Variants in MDGA2 observed in about 807,000 individuals in gnomAD.
MDGA2 encodes the protein MAM domain containing glycosylphosphatidylinositol anchor 2.
Under a neutral mutation model 117.8 loss-of-function variants are expected in MDGA2, and 40 were observed. The observed-to-expected ratio is 0.34, with a 90% CI of 0.26 to 0.44. The LOEUF is 0.44. Among genes scored for constraint, MDGA2 ranks in the 20% least tolerant of loss-of-function variants. MDGA2 has a pLI of 1.00. For missense variants in MDGA2, 1,123 were observed against 1,250.6 expected (o/e 0.90, Z 1.54); for synonymous variants, 452 against 439.0 (o/e 1.03, Z -0.37).
At chr14:47,549,175 G>T (rs1247419428) in intron 1 of MDGA2, among the ~76,000 whole-genome samples, 1 of 152,146 alleles carries the variant, frequency 6.6e-6, no homozygotes, top group Non-Finnish European at 1.5e-5. Context: ...CTGCTGGTTG[G>T]TAAGGGAGAG....
At chr14:47,040,661 A>T (rs1304337634) in intron 7 of MDGA2, among the ~76,000 whole-genome samples, 2 of 152,102 alleles carry the variant, frequency 1.3e-5, no homozygotes, top group Non-Finnish European at 2.9e-5. Flanking sequence ...GCTGTCTTCT[A>T]GCACCCTCTG....
At chr14:46,955,948 G>A (rs971955342) in intron 9 of MDGA2, among the ~76,000 whole-genome samples, 1 of 151,876 alleles carries the variant, frequency 6.6e-6, no homozygotes, top group Non-Finnish European at 1.5e-5. Context: ...TCAAAGTTTC[G>A]AGTCATGAGA....
intron 3 of MDGA2, among the ~76,000 whole-genome samples, chr14:47,214,950 T>G (rs1165843678): frequency 1.3e-5 from 2 of 152,136 alleles, no homozygotes; most frequent in Admixed American, 1.3e-4. Flanking sequence ...AAGAATAAAT[T>G]CTAACATCAT....
intron 14 of MDGA2, among the ~76,000 whole-genome samples, chr14:46,863,033 A>C (rs933205780): frequency 3.3e-5 from 5 of 152,096 alleles, no homozygotes; most frequent in Admixed American, 2.6e-4. Flanking sequence ...TCTCTGATGT[A>C]AGTCAGATCC....
intron 2 of MDGA2, among the ~76,000 whole-genome samples, chr14:47,222,457 T>C (rs1326073448): frequency 6.6e-6 from 1 of 151,910 alleles, no homozygotes; most frequent in East Asian, 1.9e-4. Flanking sequence ...GCAAACAAAA[T>C]TAAAAAGGGA....
intron 8 of MDGA2, 127 bp from the exon 9 acceptor site, chr14:46,957,770 AAG>A (rs1298896206): frequency 5.7e-5 from 61 of 1,065,072 alleles, no homozygotes; most frequent in Non-Finnish European, 7.8e-5. Context: ...GAGGTGAATG[AAG>A]AACATATTTA....
intron 6 of MDGA2, among the ~76,000 whole-genome samples, chr14:47,085,233 A>G (rs1245147684): frequency 6.6e-6 from 1 of 152,168 alleles, no homozygotes; most frequent in East Asian, 1.9e-4. Context: ...TAATCAAATC[A>G]CTGCTTTAAA....
chr14:47,539,984 T>A (rs1895304583), intron 1 of MDGA2, among the ~76,000 whole-genome samples: 1 of 152,172 alleles, frequency 6.6e-6, no homozygotes, highest in African/African-American at 2.4e-5. Context: ...CTCTTTTCCT[T>A]AAAAGAGCCA....
At chr14:47,519,582 G>T (rs932414593) in intron 1 of MDGA2, among the ~76,000 whole-genome samples, 10 of 152,112 alleles carry the variant, frequency 6.6e-5, no homozygotes, top group African/African-American at 2.4e-4. Flanking sequence ...TATAAAAACG[G>T]CAAAGGTTAA....
chr14:46,904,087 G>A (rs1395082084), intron 10 of MDGA2, among the ~76,000 whole-genome samples: 1 of 152,134 alleles, frequency 6.6e-6, no homozygotes, highest in East Asian at 1.9e-4. Context: ...TTTTGGGCCA[G>A]GCATGGTGGC....
intron 8 of MDGA2, among the ~76,000 whole-genome samples, chr14:47,020,452 AG>A (rs1205797476): frequency 1.3e-5 from 2 of 152,214 alleles, no homozygotes; most frequent in African/African-American, 4.8e-5. Context: ...AGAATTCTAG[AG>A]AAAACCAATC....
chr14:47,209,266 G>A (rs766195216), intron 3 of MDGA2, among the ~76,000 whole-genome samples: 1 of 152,050 alleles, frequency 6.6e-6, no homozygotes, highest in Non-Finnish European at 1.5e-5. Context: ...CCAGTAGTTC[G>A]AGTAGAGTGG....
chr14:46,926,728 AT>A (rs1199120290), intron 9 of MDGA2, among the ~76,000 whole-genome samples: 1 of 152,132 alleles, frequency 6.6e-6, no homozygotes, highest in African/African-American at 2.4e-5. Flanking sequence ...AGAAACAGGC[AT>A]TTTTCTAAAT....
At chr14:46,851,287 G>A (rs909806651) in intron 15 of MDGA2, among the ~76,000 whole-genome samples, 6 of 151,808 alleles carry the variant, frequency 4.0e-5, no homozygotes, top group African/African-American at 1.4e-4. Flanking sequence ...TATGAAAGAA[G>A]TAAAGCATTA....
At position 46,957,577 on chromosome 14, in the gene MDGA2, C is replaced by T; in HGVS notation, c.1886G>A (p.Ser629Asn). ...RQGQDRSVTM[S>N]CRVLRAYPIR... is the part of the protein sequence containing the mutation. ...TGGATAGGCTCTCAGTACTCTGCAA[C>T]TCATAGTGACACTTCGATCCTGTCC... The change falls in exon 9 of 17, where the codon AGT (serine) becomes AAT (asparagine). Residue 629 changes from serine to asparagine, a missense_variant. By Grantham distance (46) the Ser-to-Asn change is conservative. This residue lies in a region of MDGA2 where 890 missense variants were observed against 1,050.3 expected (regional missense o/e 0.85). Coordinates refer to ENST00000399232, the MANE Select transcript of MDGA2 (RefSeq NM_001113498.3). 2.5e-6 allele frequency: 4 copies of T among 1,614,154 alleles called. No homozygotes were observed. Among genetic ancestry groups the T allele is most frequent in the Non-Finnish European group, 3.4e-6 (4 of 1,180,004 alleles).
intron 1 of MDGA2, among the ~76,000 whole-genome samples, chr14:47,428,567 C>A (rs1244621634): frequency 6.6e-6 from 1 of 152,056 alleles, no homozygotes; most frequent in Non-Finnish European, 1.5e-5. Flanking sequence ...GAGTTCAGAA[C>A]TCTCTCTACA....
intron 7 of MDGA2, among the ~76,000 whole-genome samples, chr14:47,046,031 A>G (rs1377223111): frequency 1.3e-5 from 2 of 151,754 alleles, no homozygotes; most frequent in African/African-American, 4.8e-5. Context: ...GAGGGATAGC[A>G]TTAGGTGATA....
In MDGA2 at chr14:47,619,431, A is replaced by C. The variant is rs1264465937; in HGVS notation, c.280+55086T>G. ...AAACAGCTTTAAGTACATTAAAACT[A>C]ATACTAATAATTTCACAGGTAAGTC... On this transcript the variant is annotated intron_variant, in intron 1 of 16. Transcript: ENST00000399232. Among the ~76,000 whole-genome samples the C allele has an allele frequency of 2.0e-5, 3 of 152,176 alleles. No individual in the cohort carries two copies. In the East Asian group the frequency reaches 5.8e-4, roughly 29 times the overall value.
rs531970427 is a variant in MDGA2 at position 47,625,212 on chromosome 14, T to C, written c.280+49305A>G. Among the ~76,000 whole-genome samples the C allele has an allele frequency of 1.0e-3, 152 of 152,276 alleles. 1 individual carries two copies. Among genetic ancestry groups the C allele is most frequent in the African/African-American group, 3.4e-3 (143 of 41,558 alleles). On this transcript the variant is annotated intron_variant, in intron 1 of 16. Transcript: ENST00000399232. The stretch of plus-strand genomic sequence containing the variant: ...CTTGGAATGCTTTTCTTTAGCATAC[T>C]GTAAGGGCCTCTATTAAAAGTTGGT...
Sources: allele counts gnomAD v4.1 joint callset (sites outside exome capture counted in the v4.1 genomes callset), GRCh38; gene constraint gnomAD v4.1.1; regional missense constraint gnomAD v4.1.1; transcripts MANE v1.5; gene names NCBI Gene and HGNC (gene_info 2026-07-23, HGNC 2026-07-21).